MBOAT1: variants seen among roughly 807,000 people sequenced by gnomAD.
MBOAT1 encodes membrane bound glycerophospholipid O-acyltransferase 1, also known as membrane-bound glycerophospholipid O-acyltransferase 1.
MBOAT1 carries 67 observed loss-of-function variants against 64.4 expected under a neutral mutation model. The observed-to-expected ratio is 1.04, with a 90% confidence interval of 0.85 to 1.27. MBOAT1 has a LOEUF of 1.27. Ranked by LOEUF, MBOAT1 falls within the 50% of genes most tolerant of loss-of-function variation. MBOAT1 has a pLI of 0.00. For synonymous variants in MBOAT1, 229 were observed against 218.9 expected (o/e 1.05, Z -0.41); for missense variants, 563 against 604.6 (o/e 0.93, Z 0.72).
At chr6:20,193,568 G>A (rs1762869069) in intron 1 of MBOAT1, among the ~76,000 whole-genome samples, 1 of 150,188 alleles carries the variant, frequency 6.7e-6, no homozygotes, top group Non-Finnish European at 1.5e-5. Flanking sequence ...AAAATTACCT[G>A]TGAGGAGCCT....
chr6:20,201,602 A>C (rs1763125242), intron 1 of MBOAT1, among the ~76,000 whole-genome samples: 1 of 144,804 alleles, frequency 6.9e-6, no homozygotes. Flanking sequence ...TTTTTTTGAG[A>C]TGGAGTCTCA....
chr6:20,155,312 C>T (rs1210202526), intron 1 of MBOAT1, among the ~76,000 whole-genome samples: 1 of 152,204 alleles, frequency 6.6e-6, no homozygotes, highest in African/African-American at 2.4e-5. Flanking sequence ...TTTTGATGCA[C>T]ACTCAAGTTT....
intron 1 of MBOAT1, among the ~76,000 whole-genome samples, chr6:20,186,330 C>T (rs1194963283): frequency 2.0e-5 from 3 of 152,234 alleles, no homozygotes; most frequent in Non-Finnish European, 4.4e-5. Flanking sequence ...CTTATGTGCG[C>T]CATCTCCAAC....
chr6:20,102,236 C>G lies in MBOAT1; in HGVS notation c.*50G>C. On this transcript the variant is annotated 3_prime_UTR_variant, in exon 13 of 13. Transcript: ENST00000324607. ...AGGAGCCCTTGAAGCCTTGTCATCTCATCTTTCGAACGTTCTGCAGTTTTG... is the reference window on the plus strand; with the variant it reads ...AGGAGCCCTTGAAGCCTTGTCATCTGATCTTTCGAACGTTCTGCAGTTTTG... 6.3e-7 allele frequency: 1 copy of G among 1,576,652 alleles called. No individual in the cohort carries two copies. The highest frequency in any genetic ancestry group is 1.4e-5 in the African/African-American group (1 of 73,366).
intron 12 of MBOAT1, among the ~76,000 whole-genome samples, chr6:20,105,127 G>GT (rs1265833365): frequency 2.6e-5 from 4 of 152,154 alleles, no homozygotes; most frequent in African/African-American, 7.2e-5. Context: ...CTGGCCATAG[G>GT]TAACTCCAGC....
intron 1 of MBOAT1, among the ~76,000 whole-genome samples, chr6:20,166,862 C>A (rs181504510): frequency 6.6e-6 from 1 of 151,668 alleles, no homozygotes; most frequent in Admixed American, 6.6e-5. Context: ...TCACTTAAGC[C>A]GAGCAGATCA....
chr6:20,143,571 C>T (rs771403128), intron 4 of MBOAT1, among the ~76,000 whole-genome samples: 2 of 152,088 alleles, frequency 1.3e-5, no homozygotes, highest in Non-Finnish European at 2.9e-5. Context: ...GATGAGACTA[C>T]GTGGAAAGAA....
chr6:20,132,581 A>G (rs1278437873), intron 4 of MBOAT1, among the ~76,000 whole-genome samples: 1 of 152,238 alleles, frequency 6.6e-6, no homozygotes, highest in Non-Finnish European at 1.5e-5. Context: ...TCAATTCAAA[A>G]TGGATCAAAG....
intron 1 of MBOAT1, among the ~76,000 whole-genome samples, chr6:20,201,783 T>C (rs528103322): frequency 6.6e-6 from 1 of 152,136 alleles, no homozygotes; most frequent in Admixed American, 6.5e-5. Context: ...GGTTTCACCA[T>C]GTTGGCCAAG....
intron 4 of MBOAT1, among the ~76,000 whole-genome samples, chr6:20,137,395 G>A (rs965131612): frequency 1.1e-4 from 17 of 152,260 alleles, no homozygotes; most frequent in African/African-American, 3.9e-4. Context: ...CAAAAAGGAA[G>A]AATCAGTTTG....
chr6:20,165,343 C>T (rs1761985068), intron 1 of MBOAT1, among the ~76,000 whole-genome samples: 1 of 151,958 alleles, frequency 6.6e-6, no homozygotes, highest in African/African-American at 2.4e-5. Context: ...TTGCTTGATA[C>T]TTTTTTGAGA....
intron 1 of MBOAT1, among the ~76,000 whole-genome samples, chr6:20,166,316 G>C (rs7762177): frequency 0.23 from 35,709 of 151,958 alleles, 4,529 homozygotes; most frequent in African/African-American, 0.31. Context: ...TTTTCATAGA[G>C]AGAGGTTTAT....
intron 1 of MBOAT1, among the ~76,000 whole-genome samples, chr6:20,168,585 G>GA (rs1408927234): frequency 2.5e-3 from 260 of 102,832 alleles, no homozygotes; most frequent in Non-Finnish European, 3.5e-3. Flanking sequence ...GAGAAAGAGA[G>GA]AGAGGGAGAG....
chr6:20,129,035 C>G (rs1403597247), intron 5 of MBOAT1, among the ~76,000 whole-genome samples: 1 of 152,044 alleles, frequency 6.6e-6, no homozygotes, highest in African/African-American at 2.4e-5. Flanking sequence ...CCCAGAGAAC[C>G]CTCCCCATCT....
rs1373657312 is a variant in MBOAT1, at chr6:20,112,907, G to C, written c.1178C>G (p.Thr393Ser). 17 of 1,614,048 alleles carry C rather than the reference G, an allele frequency of 1.1e-5. No homozygotes were observed. The East Asian group carries it at 3.8e-4, about 36-fold the overall frequency. ...VYPGYYFTFLTGILVTLAARA... is the reference protein window; with the variant it reads ...VYPGYYFTFLSGILVTLAARA... ...AGCTGCTAATGTGACAAGAATTCCA[G>C]TTAAGAAGGTAAAATAGTATCCAGG... The change falls in exon 11 of 13, where the codon ACT becomes AGT. Residue 393 changes from threonine (T) to serine (S), a missense_variant. Thr to Ser is a moderately conservative substitution (Grantham distance 58). Coordinates refer to ENST00000324607, the MANE Select transcript of MBOAT1 (RefSeq NM_001080480.3).
chr6:20,119,182 C>T (rs1042899656), intron 8 of MBOAT1, among the ~76,000 whole-genome samples: 4 of 152,196 alleles, frequency 2.6e-5, no homozygotes, highest in Admixed American at 2.0e-4. Flanking sequence ...GGGCCAGCTG[C>T]AATGGAGGCC....
intron 12 of MBOAT1, among the ~76,000 whole-genome samples, chr6:20,108,525 A>G (rs2113626561): frequency 6.6e-6 from 1 of 152,350 alleles, no homozygotes; most frequent in Non-Finnish European, 1.5e-5. Flanking sequence ...CAAAAAAATC[A>G]TCCCACTTAT....
intron 8 of MBOAT1, among the ~76,000 whole-genome samples, chr6:20,123,652 A>G (rs1031776548): frequency 2.6e-5 from 4 of 152,204 alleles, no homozygotes; most frequent in Non-Finnish European, 5.9e-5. Context: ...TCTAAGACAT[A>G]AAAACCTAAC....
intron 1 of MBOAT1, among the ~76,000 whole-genome samples, chr6:20,153,622 C>T (rs73384444): frequency 0.04 from 6,149 of 152,242 alleles, 394 homozygotes; most frequent in African/African-American, 0.14. Context: ...TTTAAACTGG[C>T]ATCCAATAAA....
Sources: gnomAD v4.1 joint callset for allele counts (sites outside exome capture counted in the v4.1 genomes callset) on GRCh38, gnomAD v4.1.1 for gene constraint, MANE v1.5 for transcripts, NCBI Gene and HGNC (gene_info 2026-07-23, HGNC 2026-07-21) for gene names.